Variants in GCNA observed in about 807,000 individuals in gnomAD.
GCNA encodes germ cell nuclear acidic protein.
GCNA carries 3 observed loss-of-function variants against 38.8 expected under a neutral mutation model. The observed-to-expected ratio is 0.08, with a 90% CI of 0.04 to 0.20. GCNA has a LOEUF of 0.20. Among genes scored for constraint, GCNA ranks in the 10% least tolerant of loss-of-function variants. The probability of loss-of-function intolerance (pLI) is 1.00; values close to 1 mark genes in which losing one functional copy is unlikely to be tolerated. For missense variants in GCNA, 446 were observed against 578.6 expected (o/e 0.77, Z 2.35); for synonymous variants, 195 against 240.2 (o/e 0.81, Z 1.74).
chrX:71,606,385 C>T (rs765566180), intron 9 of GCNA, among the ~76,000 whole-genome samples: 2 of 112,063 alleles, frequency 1.8e-5, no homozygotes, highest in African/African-American at 6.5e-5. Context: ...ATCCTGTAGA[C>T]CAAAGACATG....
chrX:71,600,525 G>A (rs1264040304), intron 7 of GCNA, among the ~76,000 whole-genome samples: 1 of 111,541 alleles, frequency 9.0e-6, no homozygotes, highest in Non-Finnish European at 1.9e-5. Flanking sequence ...CTGCAGACCC[G>A]TGTTTGGGAA....
At chrX:71,612,763 G>A in intron 12 of GCNA, 99 bp from the exon 13 acceptor site, 1 of 1,131,028 alleles carries the variant, frequency 8.8e-7, no homozygotes, top group Non-Finnish European at 1.2e-6. Flanking sequence ...TGACAACCCA[G>A]AGAAAAGTAT....
chrX:71,592,951 T>C (rs145534121), intron 4 of GCNA, among the ~76,000 whole-genome samples: 1,134 of 112,111 alleles, frequency 0.01, 13 homozygotes, highest in African/African-American at 0.033. Context: ...TGGAATGCAG[T>C]GGCACGATCT....
At chrX:71,608,915 G>A in intron 9 of GCNA, 58 bp from the exon 10 acceptor site, 1 of 1,171,546 alleles carries the variant, frequency 8.5e-7, no homozygotes, top group African/African-American at 1.8e-5. Context: ...AGACGCTTAG[G>A]TGTGCATTCC....
intron 8 of GCNA, 106 bp from the exon 9 acceptor site, chrX:71,605,557 C>A: frequency 1.7e-6 from 1 of 586,823 alleles, no homozygotes; most frequent in Non-Finnish European, 2.7e-6. Flanking sequence ...AGAAGTTGCA[C>A]TGGGCTTGGC....
chrX:71,610,827 C>T lies in GCNA; in HGVS notation c.1750+8C>T, dbSNP rs760921465. 73 of 1,209,595 alleles carry T rather than the reference C, an allele frequency of 6.0e-5. No homozygotes were observed. In the East Asian group the frequency reaches 1.7e-3, roughly 28 times the overall value. Reference sequence around the variant, plus strand: ...AAGTCTGCGACTCTGCAGGTGATGGCAGGAGTGTGGTAGCTTCACCACTGT... The same window carrying T: ...AAGTCTGCGACTCTGCAGGTGATGGTAGGAGTGTGGTAGCTTCACCACTGT... On this transcript the variant is annotated splice_region_variant and intron_variant, in intron 11 of 12. Transcript: ENST00000373696.
intron 2 of GCNA, among the ~76,000 whole-genome samples, chrX:71,590,130 C>G (rs759247181): frequency 6.3e-5 from 7 of 111,743 alleles, no homozygotes; most frequent in Non-Finnish European, 1.3e-4. Flanking sequence ...GGACTTGTTC[C>G]CCTGGTGGTG....
chrX:71,610,988 C>A (rs1157087969), intron 11 of GCNA, among the ~76,000 whole-genome samples, 169 bp downstream of exon 11: 2 of 112,735 alleles, frequency 1.8e-5, no homozygotes, highest in Non-Finnish European at 3.8e-5. Context: ...GTCTCACCAT[C>A]CCTGTGAATC....
intron 2 of GCNA, among the ~76,000 whole-genome samples, chrX:71,589,608 G>A (rs969914574): frequency 1.9e-5 from 2 of 107,018 alleles, no homozygotes; most frequent in African/African-American, 6.8e-5. Context: ...TGGACTATAG[G>A]CATGTGCTAC....
intron 2 of GCNA, among the ~76,000 whole-genome samples, chrX:71,582,601 G>A (rs1193932115): frequency 9.0e-6 from 1 of 111,586 alleles, no homozygotes; most frequent in Non-Finnish European, 1.9e-5. Context: ...CTTTGAAGTA[G>A]CAGTTCCACT....
chrX:71,586,931 A>T (rs1261528465), intron 2 of GCNA, among the ~76,000 whole-genome samples: 1 of 111,954 alleles, frequency 8.9e-6, no homozygotes, highest in Non-Finnish European at 1.9e-5. Context: ...TTAAATACTT[A>T]ATAAATATCC....
At chrX:71,604,700 C>A in intron 8 of GCNA, 24 bp downstream of exon 8, 2 of 1,204,033 alleles carry the variant, frequency 1.7e-6, no homozygotes, top group African/African-American at 1.7e-5. Context: ...GCCAAGTATG[C>A]CTGTCCCACT....
chrX:71,599,345 G>A lies in GCNA; in HGVS notation c.310+1307G>A, dbSNP rs897313438. Among the ~76,000 whole-genome samples, 5 of 111,917 alleles carry A rather than the reference G, an allele frequency of 4.5e-5. No individual in the cohort carries two copies. The East Asian group carries it at 1.1e-3, about 25-fold the overall frequency. ...AGCTCTGGGTGGCTGTGCCTGAGCA[G>A]GACAGTGGTCTGGGTGCAGAGTAGA... On this transcript the variant is annotated intron_variant, in intron 7 of 12. Transcript: ENST00000373696.
intron 1 of GCNA, among the ~76,000 whole-genome samples, chrX:71,579,557 A>C: frequency 4.7e-5 from 1 of 21,148 alleles, no homozygotes; most frequent in East Asian, 1.4e-3. Context: ...GGCTGTGGGG[A>C]GAAGTGGGGG....
intron 2 of GCNA, among the ~76,000 whole-genome samples, chrX:71,581,538 A>C (rs931293533): frequency 8.0e-5 from 9 of 112,337 alleles, no homozygotes; most frequent in African/African-American, 2.6e-4. Flanking sequence ...AAATAGACCT[A>C]AGTACATAAG....
intron 4 of GCNA, among the ~76,000 whole-genome samples, chrX:71,593,008 C>T (rs184906577): frequency 1.2e-3 from 136 of 111,908 alleles, no homozygotes; most frequent in Middle Eastern, 4.6e-3. Flanking sequence ...ATTCTTCTGC[C>T]TCAGCCTCCA....
intron 2 of GCNA, among the ~76,000 whole-genome samples, chrX:71,584,163 T>A (rs1282335558): frequency 1.8e-5 from 2 of 111,108 alleles, no homozygotes; most frequent in East Asian, 2.8e-4. Flanking sequence ...TACTGTTGAT[T>A]GAGTAATTTG....
intron 2 of GCNA, among the ~76,000 whole-genome samples, chrX:71,581,544 A>G (rs1408088797): frequency 8.9e-6 from 1 of 112,410 alleles, no homozygotes; most frequent in African/African-American, 3.2e-5. Flanking sequence ...ACCTAAGTAC[A>G]TAAGAAAATT....
intron 2 of GCNA, among the ~76,000 whole-genome samples, chrX:71,583,331 T>G (rs781313676): frequency 4.5e-5 from 5 of 110,136 alleles, no homozygotes; most frequent in African/African-American, 6.6e-5. Context: ...ATTAAAAATG[T>G]GGGTAGGGGG....
Sources: gnomAD v4.1 joint callset for allele counts (sites outside exome capture counted in the v4.1 genomes callset) on GRCh38, gnomAD v4.1.1 for gene constraint, MANE v1.5 for transcripts, NCBI Gene and HGNC (gene_info 2026-07-23, HGNC 2026-07-21) for gene names.